The following AP1B1 variants were observed in gnomAD, a reference collection of about 807,000 sequenced individuals.
AP1B1 encodes AP-1 complex subunit beta-1.
Under a neutral mutation model 104.3 loss-of-function variants are expected in AP1B1, and 36 were observed. The ratio of observed to expected loss-of-function variants is 0.35; its 90% confidence interval spans 0.26 to 0.46. AP1B1 has a LOEUF of 0.46. Ranked by LOEUF, AP1B1 falls within the 20% of genes least tolerant of loss-of-function variation. The probability of loss-of-function intolerance (pLI) is 1.00; values close to 1 mark genes in which losing one functional copy is unlikely to be tolerated. For synonymous variants in AP1B1, 504 were observed against 517.5 expected (o/e 0.97, Z 0.35); for missense variants, 901 against 1,247.9 (o/e 0.72, Z 4.19).
intron 1 of AP1B1, among the ~76,000 whole-genome samples, chr22:29,382,137 G>A (rs935674239): frequency 1.3e-5 from 2 of 152,096 alleles, no homozygotes; most frequent in African/African-American, 4.8e-5. Flanking sequence ...GCTCACTGCA[G>A]CATCAAACTA....
At chr22:29,369,454 T>A (rs1413042623) in intron 1 of AP1B1, among the ~76,000 whole-genome samples, 4 of 152,222 alleles carry the variant, frequency 2.6e-5, no homozygotes, top group Non-Finnish European at 4.4e-5. Flanking sequence ...CAATTCTACT[T>A]CCCTTTTGCT....
At position 29,358,173 on chromosome 22, in the gene AP1B1, TC is replaced by T. The variant is rs538540263; in HGVS notation, c.525+552del. ...TTAAACAGGCCCTGCCAAACTGCCC[TC>T]CAAACTGCTGCCACCATTGTGGGTA... On this transcript the variant is annotated intron_variant, in intron 5 of 22. Coordinates refer to ENST00000357586, the MANE Select transcript of AP1B1 (RefSeq NM_001127.4). Among the ~76,000 whole-genome samples, 297 of 152,250 alleles carry T rather than the reference TC, an allele frequency of 2.0e-3. 1 individual carries two copies. Among genetic ancestry groups the T allele is most frequent in the African/African-American group, 6.9e-3 (287 of 41,532 alleles).
chr22:29,351,685 G>T lies in AP1B1; in HGVS notation c.1059+20C>A. On this transcript the variant is annotated intron_variant, in intron 8 of 22. Transcript: ENST00000357586. ...TGGTCCCACACTGAGCCCGTGTCCTGACCATCACACGCAGCTGACCTGGGC... is the reference window on the plus strand; with the variant it reads ...TGGTCCCACACTGAGCCCGTGTCCTTACCATCACACGCAGCTGACCTGGGC... The T allele has an allele frequency of 6.2e-7, 1 of 1,613,090 alleles. No homozygotes were observed. The highest frequency in any genetic ancestry group is 1.1e-5 in the South Asian group (1 of 90,942).
chr22:29,337,897 G>A (rs1335755173), intron 16 of AP1B1, among the ~76,000 whole-genome samples: 2 of 152,202 alleles, frequency 1.3e-5, no homozygotes, highest in Admixed American at 6.5e-5. Flanking sequence ...TGCAGACGCA[G>A]CCATCTTTCT....
At chr22:29,387,215 T>G (rs2062539667) in intron 1 of AP1B1, among the ~76,000 whole-genome samples, 1 of 151,902 alleles carries the variant, frequency 6.6e-6, no homozygotes, top group African/African-American at 2.4e-5. Context: ...CTAAAGAAAG[T>G]AAGTCGAATG....
rs200863530 is a variant in AP1B1 at position 29,349,428 on chromosome 22, C to T, written c.1272-45G>A. On this transcript the variant is annotated intron_variant, in intron 10 of 22. Coordinates refer to ENST00000357586, the MANE Select transcript of AP1B1 (RefSeq NM_001127.4). ...TTGGTATGGGAGCCCTCAAGGAGAA[C>T]GGGAAACCCAGGGAAGCCAGACAGG... 165 of 1,599,226 alleles carry T rather than the reference C, an allele frequency of 1.0e-4. No homozygotes were observed. The African/African-American group carries it at 1.9e-3, about 18-fold the overall frequency.
At chr22:29,358,189 C>T (rs2061989299) in intron 5 of AP1B1, among the ~76,000 whole-genome samples, 3 of 152,156 alleles carry the variant, frequency 2.0e-5, no homozygotes, top group African/African-American at 7.2e-5. Context: ...CTGCTGCCAC[C>T]ATTGTGGGTA....
At chr22:29,355,460 TAAACAAAC>T (rs549032143) in intron 6 of AP1B1, among the ~76,000 whole-genome samples, 171 of 152,110 alleles carry the variant, frequency 1.1e-3, no homozygotes, top group African/African-American at 3.9e-3. Context: ...GACCCTGTCA[TAAACAAAC>T]AAACAAACAA....
intron 18 of AP1B1, 42 bp from the exon 19 acceptor site, chr22:29,331,575 G>A (rs369467590): frequency 1.9e-6 from 3 of 1,606,672 alleles, no homozygotes; most frequent in South Asian, 1.1e-5. Flanking sequence ...GGGGCTTGAC[G>A]CCACCTCTGA....
chr22:29,366,218 T>C (rs1431174629), intron 2 of AP1B1, among the ~76,000 whole-genome samples: 1 of 152,202 alleles, frequency 6.6e-6, no homozygotes, highest in Non-Finnish European at 1.5e-5. Flanking sequence ...AAATACCCAA[T>C]GATATAAGCC....
chr22:29,341,170 G>T (rs73403032), intron 13 of AP1B1, among the ~76,000 whole-genome samples: 1 of 152,250 alleles, frequency 6.6e-6, no homozygotes, highest in South Asian at 2.1e-4. Flanking sequence ...GGGAACAACA[G>T]AGGAGGAGGC....
At position 29,385,750 on chromosome 22, in the gene AP1B1, C is replaced by T. The variant is rs915260377; in HGVS notation, c.-28+2674G>A. Among the ~76,000 whole-genome samples the T allele has an allele frequency of 2.6e-5, 4 of 152,206 alleles. No homozygotes were observed. In the East Asian group the frequency reaches 7.7e-4, roughly 29 times the overall value. The stretch of plus-strand genomic sequence containing the variant: ...AAGACCTGCTGAGAAAAAGAAATGT[C>T]TGCAAGGCACAGATGTCACCTCAAC... On this transcript the variant is annotated intron_variant, in intron 1 of 22. Transcript: ENST00000357586.
intron 11 of AP1B1, among the ~76,000 whole-genome samples, chr22:29,343,803 T>G (rs930573324): frequency 2.6e-5 from 4 of 152,066 alleles, no homozygotes; most frequent in Admixed American, 6.6e-5. Flanking sequence ...AATGGAGAGT[T>G]GATGAAACCA....
Position 29,358,822 on chromosome 22 carries a change from C to T in AP1B1, c.429G>A (p.Val143=). The T allele has an allele frequency of 6.2e-7, 1 of 1,614,242 alleles. No homozygotes were observed. Among genetic ancestry groups the T allele is most frequent in the South Asian group, 1.1e-5 (1 of 91,092 alleles). The change falls in exon 5 of 23, where the codon GTG becomes GTA. Residue 143 remains valine (V), a synonymous_variant. Transcript: ENST00000357586. ...TGATGTCGTGGAGCTTGGCCACGCA[C>T]ACAGCTGCTGTCTTGCGCACATATG... ...EDPYVRKTAA[V]CVAKLHDINA... is the part of the protein sequence containing the mutation.
intron 5 of AP1B1, among the ~76,000 whole-genome samples, chr22:29,357,664 C>T (rs1415513762): frequency 6.6e-6 from 1 of 151,390 alleles, no homozygotes; most frequent in African/African-American, 2.4e-5. Flanking sequence ...CTGTATGAGC[C>T]ACTGCGCGCG....
intron 1 of AP1B1, among the ~76,000 whole-genome samples, chr22:29,382,266 T>G (rs1307234052): frequency 6.6e-6 from 1 of 152,092 alleles, no homozygotes; most frequent in Non-Finnish European, 1.5e-5. Context: ...AGGCTGGTCT[T>G]GAACTCCTGG....
intron 16 of AP1B1, among the ~76,000 whole-genome samples, chr22:29,334,907 G>T (rs572046798): frequency 6.6e-6 from 1 of 152,366 alleles, no homozygotes; most frequent in South Asian, 2.1e-4. Flanking sequence ...AAACTGGTCT[G>T]ACCAAGGACA....
chr22:29,341,460 C>G (rs2061713070), intron 13 of AP1B1, 41 bp downstream of exon 13: 1 of 1,586,776 alleles, frequency 6.3e-7, no homozygotes, highest in African/African-American at 1.3e-5. Flanking sequence ...ACTGGGGAAG[C>G]AGAGTGTGAA....
At chr22:29,333,640 A>G (rs759313161) in intron 17 of AP1B1, among the ~76,000 whole-genome samples, 1 of 149,368 alleles carries the variant, frequency 6.7e-6, no homozygotes, top group Admixed American at 6.7e-5. Flanking sequence ...CTTGAGCCCA[A>G]GGGTTCAAGA....
Sources: gnomAD v4.1 joint callset for allele counts (sites outside exome capture counted in the v4.1 genomes callset) on GRCh38, gnomAD v4.1.1 for gene constraint, MANE v1.5 for transcripts, NCBI Gene and HGNC (gene_info 2026-07-23, HGNC 2026-07-21) for gene names.